The following DUSP16 variants were observed in gnomAD, a reference collection of about 807,000 sequenced individuals.
DUSP16 encodes the protein dual specificity phosphatase 16.
In DUSP16, 21 loss-of-function variants were observed where a neutral mutation model predicts 58.3. The ratio of observed to expected loss-of-function variants is 0.36; its 90% confidence interval spans 0.26 to 0.52. The LOEUF (loss-of-function observed/expected upper bound fraction) is 0.52. Among genes scored for constraint, DUSP16 ranks in the 20% least tolerant of loss-of-function variants. DUSP16 has a pLI of 0.94. For missense variants in DUSP16, 726 were observed against 819.0 expected (o/e 0.89, Z 1.39); for synonymous variants, 320 against 323.8 (o/e 0.99, Z 0.12).
chr12:12,526,207 AT>A (rs1489150859), intron 1 of DUSP16, among the ~76,000 whole-genome samples: 1 of 152,206 alleles, frequency 6.6e-6, no homozygotes, highest in African/African-American at 2.4e-5. Context: ...TTTCTGGTAT[AT>A]TTTTACCTTT....
chr12:12,495,844 G>A (rs896619067), intron 4 of DUSP16, among the ~76,000 whole-genome samples: 1 of 152,116 alleles, frequency 6.6e-6, no homozygotes. Flanking sequence ...TTCCTCAAAC[G>A]ACAAAACACA....
chr12:12,500,222 C>T (rs1440520694), intron 4 of DUSP16, among the ~76,000 whole-genome samples: 1 of 152,100 alleles, frequency 6.6e-6, no homozygotes, highest in Non-Finnish European at 1.5e-5. Context: ...TATAATAGAT[C>T]AATTAATACC....
At chr12:12,494,355 T>C (rs1023953177) in intron 4 of DUSP16, among the ~76,000 whole-genome samples, 1 of 152,186 alleles carries the variant, frequency 6.6e-6, no homozygotes, top group Non-Finnish European at 1.5e-5. Context: ...ACTATTTATT[T>C]TGAAAAATAA....
Position 12,496,113 on chromosome 12 carries a change from T to C in DUSP16, c.531+4406A>G, listed in dbSNP as rs115666777. Among the ~76,000 whole-genome samples the C allele has an allele frequency of 9.6e-4, 146 of 152,338 alleles. 1 individual carries two copies. Among genetic ancestry groups the C allele is most frequent in the African/African-American group, 3.3e-3 (138 of 41,584 alleles). ...AAGCTGGCTCTCAACCATCATGCCG[T>C]GCTGCTTCCACACTGGGAGGGACAC... is the stretch of plus-strand genomic sequence containing the variant. On this transcript the variant is annotated intron_variant, in intron 4 of 6. Coordinates refer to ENST00000298573, the MANE Select transcript of DUSP16 (RefSeq NM_030640.3).
rs375922422 is a variant in DUSP16 at position 12,478,048 on chromosome 12, T to C, written c.816-33A>G. ...GAGAGGAAAAAACAAAAACCCGAAT[T>C]TTACAACTACACTTTATCTTAAGAA... On this transcript the variant is annotated intron_variant, in intron 6 of 6. Coordinates refer to ENST00000298573, the MANE Select transcript of DUSP16 (RefSeq NM_030640.3). 5.4e-5 allele frequency: 79 copies of C among 1,463,810 alleles called. No individual in the cohort carries two copies. In the African/African-American group the frequency reaches 6.4e-4, roughly 12 times the overall value. 90.7% of individuals were successfully genotyped at this position (1,463,810 alleles called of 1,614,324 possible).
intron 1 of DUSP16, among the ~76,000 whole-genome samples, chr12:12,521,685 C>CA (rs1327615913): frequency 2.0e-5 from 3 of 152,016 alleles, no homozygotes; most frequent in Non-Finnish European, 4.4e-5. Context: ...TGTAAAAACT[C>CA]AAAGAAAACA....
In DUSP16 at chr12:12,508,278, C is replaced by T. The variant is rs534537941; in HGVS notation, c.368-7596G>A. On this transcript the variant is annotated intron_variant, in intron 3 of 6. Transcript: ENST00000298573. ...GACTAAAGTATGGTCACAATTCTTT[C>T]GGGATCAGCAGACAGTAAACATGGA... Among the ~76,000 whole-genome samples, 24 of 151,828 alleles carry T rather than the reference C, an allele frequency of 1.6e-4. No homozygotes were observed. In the South Asian group the frequency reaches 3.5e-3, roughly 22 times the overall value.
chr12:12,561,939 G>A (rs1282269586), intron 1 of DUSP16, among the ~76,000 whole-genome samples, 178 bp downstream of exon 1: 3 of 150,340 alleles, frequency 2.0e-5, no homozygotes, highest in Non-Finnish European at 4.5e-5. Context: ...CCCCCACGCC[G>A]CCTCCCGAAA....
At chr12:12,493,455 A>G (rs551770831) in intron 4 of DUSP16, among the ~76,000 whole-genome samples, 6 of 152,272 alleles carry the variant, frequency 3.9e-5, no homozygotes, top group Admixed American at 1.3e-4. Flanking sequence ...GATCCTAACA[A>G]TGTAAGTCAG....
chr12:12,527,991 G>A (rs1592196264), intron 1 of DUSP16, among the ~76,000 whole-genome samples: 1 of 152,230 alleles, frequency 6.6e-6, no homozygotes, highest in Admixed American at 6.5e-5. Context: ...AGCCCAGGCA[G>A]AGGCCAAATC....
At chr12:12,520,828 G>A (rs372032722) in intron 2 of DUSP16, 43 bp downstream of exon 2, 1 of 1,599,820 alleles carries the variant, frequency 6.3e-7, no homozygotes, top group Non-Finnish European at 8.6e-7. Context: ...TCCTCATTCA[G>A]TGTGTCCATT....
Position 12,520,257 on chromosome 12 carries a change from A to C in DUSP16, c.229-257T>G, listed in dbSNP as rs142217646. 7.0e-3 allele frequency among the ~76,000 whole-genome samples: 1,070 copies of C among 152,354 alleles called. 12 individuals are homozygous for C. Among genetic ancestry groups the C allele is most frequent in the African/African-American group, 0.024 (996 of 41,576 alleles). On this transcript the variant is annotated intron_variant, in intron 2 of 6. Transcript: ENST00000298573. ...AATCCTTTATACTATAAAATGGTAA[A>C]GTTCATAATAAACCAAACAATATGC...
rs569909159 is a variant in DUSP16, at chr12:12,524,103, T to TCC, written c.-365-2642_-365-2641dup. 9.2e-5 allele frequency among the ~76,000 whole-genome samples: 14 copies of TCC among 152,298 alleles called. No individual in the cohort carries two copies. In the South Asian group the frequency reaches 2.7e-3, roughly 29 times the overall value. ...GAATTAGAAAGTTCTCATCTTTGCT[T>TCC]CCCCTCAGCCAATTCTCATAAACCC... On this transcript the variant is annotated intron_variant, in intron 1 of 6. Transcript: ENST00000298573.
intron 1 of DUSP16, among the ~76,000 whole-genome samples, chr12:12,534,067 G>A (rs1159698671): frequency 6.6e-6 from 1 of 152,046 alleles, no homozygotes; most frequent in African/African-American, 2.4e-5. Context: ...CTTTGTGACA[G>A]GGGATTTTCA....
intron 3 of DUSP16, among the ~76,000 whole-genome samples, chr12:12,517,984 C>A (rs1316528682): frequency 1.3e-5 from 2 of 152,140 alleles, no homozygotes; most frequent in Non-Finnish European, 2.9e-5. Flanking sequence ...CAAGGCTACA[C>A]AGGATAGATT....
At chr12:12,494,659 C>G (rs1337917364) in intron 4 of DUSP16, among the ~76,000 whole-genome samples, 2 of 151,982 alleles carry the variant, frequency 1.3e-5, no homozygotes, top group Non-Finnish European at 2.9e-5. Flanking sequence ...TGAATGAAGA[C>G]CAAGGACAGG....
Position 12,475,894 on chromosome 12 carries a change from C to T in DUSP16, c.*939G>A, listed in dbSNP as rs926191117. 1 of 152,204 alleles carries T rather than the reference C, an allele frequency of 6.6e-6. No individual in the cohort carries two copies. Among genetic ancestry groups the T allele is most frequent in the Non-Finnish European group, 1.5e-5 (1 of 68,034 alleles). 9.4% of individuals were successfully genotyped at this position (152,204 alleles called of 1,614,324 possible). ...CCAACCCAAATAAATTCACATTTGGCTTGAAACCAAGTTCATCTTTATTTA... is the reference window on the plus strand; with the variant it reads ...CCAACCCAAATAAATTCACATTTGGTTTGAAACCAAGTTCATCTTTATTTA... On this transcript the variant is annotated 3_prime_UTR_variant, in exon 7 of 7. Transcript: ENST00000298573.
rs1944921117 is a variant in DUSP16, at chr12:12,562,420, A to G, written c.-669T>C. 6.6e-6 allele frequency: 1 copy of G among 150,706 alleles called. No homozygotes were observed. The allele number at this position is 150,706 out of a possible 1,614,324, so 9.3% of individuals were successfully genotyped here. A position where few individuals can be genotyped will look rare whatever the true frequency, so the allele number is the denominator to read the frequency against. On this transcript the variant is annotated 5_prime_UTR_variant, in exon 1 of 7. Transcript: ENST00000298573. ...CATCAGCCTTCAAAAAAAATGTCGAAAGAGATGAAGAACTTAGGGAGGTAA... is the reference window on the plus strand; with the variant it reads ...CATCAGCCTTCAAAAAAAATGTCGAGAGAGATGAAGAACTTAGGGAGGTAA...
chr12:12,479,165 A>G (rs1209828503), intron 6 of DUSP16, among the ~76,000 whole-genome samples: 2 of 152,206 alleles, frequency 1.3e-5, no homozygotes, highest in Admixed American at 1.3e-4. Context: ...GGAGGAAATA[A>G]AGACTCAGAG....
Sources: allele counts gnomAD v4.1 joint callset (sites outside exome capture counted in the v4.1 genomes callset), GRCh38; gene constraint gnomAD v4.1.1; transcripts MANE v1.5; gene names NCBI Gene and HGNC (gene_info 2026-07-23, HGNC 2026-07-21).